Variants in RIMS2 observed in about 807,000 individuals in gnomAD.
RIMS2 encodes regulating synaptic membrane exocytosis 2.
In RIMS2, 59 loss-of-function variants were observed where a neutral mutation model predicts 174.4. That is an observed-to-expected ratio of 0.34 (90% CI 0.27 to 0.42). The LOEUF is 0.42. Ranked by LOEUF, RIMS2 falls within the 10% of genes least tolerant of loss-of-function variation. The pLI, the probability that RIMS2 is intolerant of heterozygous loss-of-function variation, is 1.00. For synonymous variants in RIMS2, 606 were observed against 572.5 expected, an observed-to-expected ratio of 1.06 and a Z score of -0.84; for missense variants, 1,620 against 1,666.3, an observed-to-expected ratio of 0.97 and a Z score of 0.48.
intron 3 of RIMS2, among the ~76,000 whole-genome samples, chr8:103,772,327 A>G (rs1445970066): frequency 6.6e-6 from 1 of 151,986 alleles, no homozygotes; most frequent in Non-Finnish European, 1.5e-5. Context: ...TCTGATAACC[A>G]TTTATCTTTC....
At chr8:104,110,730 C>T (rs2098166205) in intron 19 of RIMS2, among the ~76,000 whole-genome samples, 1 of 152,160 alleles carries the variant, frequency 6.6e-6, no homozygotes, top group African/African-American at 2.4e-5. Flanking sequence ...AGTTAATCCC[C>T]TGCACTGATG....
intron 16 of RIMS2, among the ~76,000 whole-genome samples, chr8:103,985,676 C>T (rs2094307443): frequency 6.6e-6 from 1 of 151,886 alleles, no homozygotes; most frequent in African/African-American, 2.4e-5. Flanking sequence ...TCTGCACTCC[C>T]ATGATCATTG....
intron 1 of RIMS2, among the ~76,000 whole-genome samples, chr8:103,585,697 T>C (rs1457676297): frequency 6.8e-6 from 1 of 147,980 alleles, no homozygotes; most frequent in Non-Finnish European, 1.5e-5. Context: ...ATGAACACAG[T>C]GAGGGGAACG....
chr8:103,724,944 T>C (rs2097507479), intron 2 of RIMS2, among the ~76,000 whole-genome samples: 1 of 152,202 alleles, frequency 6.6e-6, no homozygotes, highest in South Asian at 2.1e-4. Flanking sequence ...GGGACTGTTG[T>C]TGGGAGTGGA....
chr8:104,109,214 A>G (rs1599071668), intron 19 of RIMS2, among the ~76,000 whole-genome samples: 2 of 149,302 alleles, frequency 1.3e-5, no homozygotes, highest in East Asian at 2.0e-4. Context: ...GGAGAATGGC[A>G]TGAACCTGGG....
intron 3 of RIMS2, among the ~76,000 whole-genome samples, chr8:103,805,713 T>C (rs142696741): frequency 1.3e-3 from 198 of 152,290 alleles, no homozygotes; most frequent in African/African-American, 4.5e-3. Context: ...TCTTTTATTA[T>C]ATTTCCACCT....
At chr8:103,810,973 A>T (rs916383036) in intron 3 of RIMS2, among the ~76,000 whole-genome samples, 1 of 148,280 alleles carries the variant, frequency 6.7e-6, no homozygotes, top group African/African-American at 2.5e-5. Context: ...TATAATAGCA[A>T]TGTGCAGTCA....
intron 3 of RIMS2, among the ~76,000 whole-genome samples, chr8:103,804,563 C>T (rs568544535): frequency 1.3e-5 from 2 of 152,244 alleles, no homozygotes; most frequent in Non-Finnish European, 2.9e-5. Context: ...GGTTTATTTT[C>T]TCTGCTCCTC....
chr8:104,213,156 A>G (rs2099113067), intron 19 of RIMS2, among the ~76,000 whole-genome samples: 1 of 152,168 alleles, frequency 6.6e-6, no homozygotes, highest in Non-Finnish European at 1.5e-5. Context: ...TACTAAAAAT[A>G]CAAAAATTAG....
At chr8:103,792,474 G>T (rs2098508596) in intron 3 of RIMS2, among the ~76,000 whole-genome samples, 1 of 152,114 alleles carries the variant, frequency 6.6e-6, no homozygotes, top group Non-Finnish European at 1.5e-5. Flanking sequence ...AAGCAGGAAA[G>T]ATCTAAAATT....
chr8:103,705,620 T>A (rs2097215496), intron 2 of RIMS2, among the ~76,000 whole-genome samples: 1 of 152,084 alleles, frequency 6.6e-6, no homozygotes, highest in Non-Finnish European at 1.5e-5. Context: ...CCCTATATAT[T>A]TGGGTTCTAT....
At chr8:103,555,285 A>T (rs1368789603) in intron 1 of RIMS2, among the ~76,000 whole-genome samples, 1 of 152,230 alleles carries the variant, frequency 6.6e-6, no homozygotes, top group African/African-American at 2.4e-5. Flanking sequence ...TTCACTAATT[A>T]TCAGGGAAAT....
chr8:103,809,923 A>G (rs536334455), intron 3 of RIMS2, among the ~76,000 whole-genome samples: 3 of 152,276 alleles, frequency 2.0e-5, no homozygotes, highest in Non-Finnish European at 4.4e-5. Flanking sequence ...TCTTGATGTA[A>G]TCCCTTTTGT....
At chr8:103,930,085 A>G (rs1313681340) in intron 11 of RIMS2, among the ~76,000 whole-genome samples, 1 of 151,980 alleles carries the variant, frequency 6.6e-6, no homozygotes, top group African/African-American at 2.4e-5. Flanking sequence ...TCTAGGGTCT[A>G]TTTTTGTATT....
intron 1 of RIMS2, among the ~76,000 whole-genome samples, chr8:103,563,377 T>A (rs1412508584): frequency 1.3e-5 from 2 of 152,196 alleles, no homozygotes; most frequent in African/African-American, 4.8e-5. Context: ...AAGTTCAAAG[T>A]TCCACAGATC....
intron 19 of RIMS2, 28 bp from the exon 24 acceptor site, chr8:104,093,443 C>A: frequency 6.6e-7 from 1 of 1,521,394 alleles, no homozygotes; most frequent in Non-Finnish European, 8.9e-7. Context: ...CTGACAACTT[C>A]TGCGTATTTG....
At chr8:103,504,712 T>C (rs969162953) in intron 1 of RIMS2, among the ~76,000 whole-genome samples, 1 of 152,116 alleles carries the variant, frequency 6.6e-6, no homozygotes, top group African/African-American at 2.4e-5. Flanking sequence ...TAACAATTAG[T>C]ATATATTTAG....
chr8:103,927,046 C>G (rs941318589), intron 10 of RIMS2, among the ~76,000 whole-genome samples: 8 of 151,374 alleles, frequency 5.3e-5, no homozygotes, highest in African/African-American at 1.9e-4. Flanking sequence ...GCAACTACCT[C>G]ATAAGGTTGT....
At chr8:103,688,158 A>G (rs531717930) in intron 1 of RIMS2, among the ~76,000 whole-genome samples, 2 of 152,080 alleles carry the variant, frequency 1.3e-5, no homozygotes, top group Non-Finnish European at 2.9e-5. Context: ...AATAGTTGGT[A>G]TCCTTGTCTT....
Sources: allele counts gnomAD v4.1 joint callset (sites outside exome capture counted in the v4.1 genomes callset), GRCh38; gene constraint gnomAD v4.1.1; transcripts MANE v1.5; gene names NCBI Gene and HGNC (gene_info 2026-07-23, HGNC 2026-07-21).